The following TAOK3 variants were observed in gnomAD, a reference collection of about 807,000 sequenced individuals.
TAOK3 encodes TAO kinase 3, also known as serine/threonine-protein kinase TAO3.
In TAOK3, 40 loss-of-function variants were observed where a neutral mutation model predicts 120.4. The ratio of observed to expected loss-of-function variants is 0.33; its 90% CI spans 0.26 to 0.43. The LOEUF (loss-of-function observed/expected upper bound fraction) is 0.43, where lower values mean the gene tolerates loss of function less well. Ranked by LOEUF, TAOK3 falls within the 20% of genes least tolerant of loss-of-function variation. The pLI is 1.00. For missense variants in TAOK3, 821 were observed against 1,112.1 expected, an observed-to-expected ratio of 0.74 and a Z score of 3.72; for synonymous variants, 355 against 387.5, an observed-to-expected ratio of 0.92 and a Z score of 0.99.
intron 1 of TAOK3, among the ~76,000 whole-genome samples, chr12:118,342,404 G>A (rs2044653336): frequency 6.6e-6 from 1 of 152,148 alleles, no homozygotes; most frequent in Non-Finnish European, 1.5e-5. Context: ...CCTTTGACAT[G>A]TTGAAAATAC....
At chr12:118,278,688 A>G (rs1218989227) in intron 1 of TAOK3, among the ~76,000 whole-genome samples, 1 of 152,188 alleles carries the variant, frequency 6.6e-6, no homozygotes, top group Non-Finnish European at 1.5e-5. Context: ...TCAAATGGTA[A>G]TTCTGCTTTA....
chr12:118,243,646 A>G, intron 4 of TAOK3, 130 bp from the exon 5 acceptor site: 1 of 455,768 alleles, frequency 2.2e-6, no homozygotes, highest in East Asian at 3.6e-5. Flanking sequence ...TAAATGAAGA[A>G]GCTATTTAAA....
chr12:118,169,171 A>C (rs1248374596), intron 17 of TAOK3, among the ~76,000 whole-genome samples: 1 of 146,998 alleles, frequency 6.8e-6, no homozygotes, highest in Non-Finnish European at 1.5e-5. Flanking sequence ...CCACCACCAC[A>C]CTTGGCTAAT....
intron 14 of TAOK3, among the ~76,000 whole-genome samples, chr12:118,182,908 A>C (rs2036853678): frequency 6.6e-6 from 1 of 152,068 alleles, no homozygotes; most frequent in Non-Finnish European, 1.5e-5. Flanking sequence ...CAACAAATTA[A>C]AGCTTGTAAA....
intron 3 of TAOK3, among the ~76,000 whole-genome samples, chr12:118,254,508 T>C (rs1284539912): frequency 6.6e-6 from 1 of 152,236 alleles, no homozygotes; most frequent in African/African-American, 2.4e-5. Context: ...ACAACTGTGA[T>C]AAATGCAACA....
chr12:118,272,895 G>C (rs2041768082), intron 1 of TAOK3, among the ~76,000 whole-genome samples: 1 of 151,960 alleles, frequency 6.6e-6, no homozygotes, highest in African/African-American at 2.4e-5. Flanking sequence ...AGGATTGCTT[G>C]AGCCCAGGAA....
chr12:118,229,837 A>G (rs1034381227), intron 9 of TAOK3, among the ~76,000 whole-genome samples: 1 of 152,124 alleles, frequency 6.6e-6, no homozygotes, highest in Non-Finnish European at 1.5e-5. Flanking sequence ...AGCCTGAGGC[A>G]GGAGAATCAC....
intron 1 of TAOK3, among the ~76,000 whole-genome samples, chr12:118,290,322 T>C (rs17512400): frequency 0.015 from 2,278 of 152,250 alleles, 23 homozygotes; most frequent in South Asian, 0.025. Context: ...CCCTGAGATA[T>C]CAAGTAACAT....
At chr12:118,182,623 A>ATATATATATATATTTTT (rs371125415) in intron 14 of TAOK3, among the ~76,000 whole-genome samples, 2 of 92,416 alleles carry the variant, frequency 2.2e-5, no homozygotes, top group African/African-American at 9.9e-5. Flanking sequence ...ATATATATAT[A>ATATATATATATATTTTT]TTTTTTTTTT....
At chr12:118,160,000 A>G in intron 19 of TAOK3, 146 bp downstream of exon 19, 1 of 701,124 alleles carries the variant, frequency 1.4e-6, no homozygotes, top group East Asian at 2.6e-5. Flanking sequence ...GCTTTATTCA[A>G]CGTCGTCCTT....
At chr12:118,294,939 A>C (rs2042620880) in intron 1 of TAOK3, among the ~76,000 whole-genome samples, 1 of 152,130 alleles carries the variant, frequency 6.6e-6, no homozygotes. Context: ...AAAGATTAGG[A>C]ATTAAGCTTT....
At chr12:118,156,500 C>T (rs2034833744) in intron 19 of TAOK3, among the ~76,000 whole-genome samples, 1 of 152,110 alleles carries the variant, frequency 6.6e-6, no homozygotes. Context: ...TTTCAAAAGC[C>T]TCAATTACCA....
Position 118,151,068 on chromosome 12 carries a change from C to A in TAOK3, c.2626G>T (p.Asp876Tyr). The A allele has an allele frequency of 6.2e-7, 1 of 1,611,986 alleles. No homozygotes were observed. Reference sequence around the variant, plus strand: ...AATCCCATTCTGAGGCTCTCCATGTCAAAAGTTTCAATCTCTCGCTCTTGC... The same window carrying A: ...AATCCCATTCTGAGGCTCTCCATGTAAAAAGTTTCAATCTCTCGCTCTTGC... Reference protein sequence around the residue: ...ERQEREIETFDMESLRMGFGN... With the variant: ...ERQEREIETFYMESLRMGFGN... Residue 876 changes from aspartate (D) to tyrosine (Y), a missense_variant, in exon 21 of 21, where the codon GAC becomes TAC. By Grantham distance (160) the Asp-to-Tyr change is radical. This residue lies in a region of TAOK3 where 354 missense variants were observed against 572.1 expected (regional missense o/e 0.62). Transcript: ENST00000392533.
At chr12:118,351,275 CCCTT>C (rs1322435331) in intron 1 of TAOK3, among the ~76,000 whole-genome samples, 1 of 152,148 alleles carries the variant, frequency 6.6e-6, no homozygotes, top group Non-Finnish European at 1.5e-5. Context: ...TGATTCAGTG[CCCTT>C]CCTATGTGTT....
intron 1 of TAOK3, among the ~76,000 whole-genome samples, chr12:118,277,080 CA>C (rs2041928972): frequency 6.6e-6 from 1 of 152,216 alleles, no homozygotes; most frequent in African/African-American, 2.4e-5. Context: ...AATGTCTCTC[CA>C]AATCAAACTC....
At chr12:118,214,661 G>C (rs934345158) in intron 9 of TAOK3, among the ~76,000 whole-genome samples, 5 of 150,806 alleles carry the variant, frequency 3.3e-5, no homozygotes, top group African/African-American at 1.2e-4. Context: ...TCTGCCTCCT[G>C]GGTTCAAGTG....
chr12:118,286,769 G>C (rs142575717), intron 1 of TAOK3, among the ~76,000 whole-genome samples: 82 of 152,290 alleles, frequency 5.4e-4, no homozygotes, highest in Non-Finnish European at 9.6e-4. Flanking sequence ...ATTTGCACAT[G>C]CATGTTTATA....
At chr12:118,196,760 T>C (rs1348613675) in intron 13 of TAOK3, among the ~76,000 whole-genome samples, 2 of 152,244 alleles carry the variant, frequency 1.3e-5, no homozygotes, top group Non-Finnish European at 2.9e-5. Flanking sequence ...TATTTAATAT[T>C]TGGTAATTAA....
At chr12:118,254,684 C>T (rs184009537) in intron 3 of TAOK3, among the ~76,000 whole-genome samples, 1 of 151,986 alleles carries the variant, frequency 6.6e-6, no homozygotes, top group Non-Finnish European at 1.5e-5. Flanking sequence ...GGTAATAGCA[C>T]ATATAAGGCT....
Sources: allele counts gnomAD v4.1 joint callset (sites outside exome capture counted in the v4.1 genomes callset), GRCh38; gene constraint gnomAD v4.1.1; regional missense constraint gnomAD v4.1.1; transcripts MANE v1.5; gene names NCBI Gene and HGNC (gene_info 2026-07-23, HGNC 2026-07-21).